The following SLC25A21 variants were observed in gnomAD, a reference collection of about 807,000 sequenced individuals.
The protein encoded by SLC25A21 is solute carrier family 25 member 21.
Under a neutral mutation model 43.8 loss-of-function variants are expected in SLC25A21, and 47 were observed. The observed-to-expected ratio is 1.07, with a 90% CI of 0.85 to 1.37. The LOEUF is 1.37. Among genes scored for constraint, SLC25A21 ranks in the 40% most tolerant of loss-of-function variants. The pLI is 0.00. For synonymous variants in SLC25A21, 131 were observed against 121.3 expected (o/e 1.08, Z -0.52); for missense variants, 352 against 350.2 (o/e 1.00, Z -0.04).
At chr14:36,855,815 C>T (rs530913029) in intron 2 of SLC25A21, among the ~76,000 whole-genome samples, 2 of 152,298 alleles carry the variant, frequency 1.3e-5, no homozygotes, top group Admixed American at 1.3e-4. Flanking sequence ...CATATCAATA[C>T]GTATGCCTCG....
intron 3 of SLC25A21, among the ~76,000 whole-genome samples, chr14:36,760,502 T>C (rs1180303182): frequency 1.3e-5 from 2 of 152,058 alleles, no homozygotes; most frequent in Non-Finnish European, 2.9e-5. Flanking sequence ...CCTCTCAAAT[T>C]GAGTGGGAGA....
intron 1 of SLC25A21, among the ~76,000 whole-genome samples, chr14:36,924,395 A>G (rs1215258075): frequency 1.3e-5 from 2 of 152,166 alleles, no homozygotes; most frequent in Non-Finnish European, 2.9e-5. Context: ...ATGAAGCTGG[A>G]AACCATCATT....
chr14:37,065,587 A>C (rs1390962499), intron 1 of SLC25A21, among the ~76,000 whole-genome samples: 1 of 152,182 alleles, frequency 6.6e-6, no homozygotes, highest in Non-Finnish European at 1.5e-5. Flanking sequence ...GTCCTACTCC[A>C]TTCCATTCCC....
At chr14:37,039,631 T>A (rs1462343630) in intron 1 of SLC25A21, among the ~76,000 whole-genome samples, 1 of 152,224 alleles carries the variant, frequency 6.6e-6, no homozygotes, top group Admixed American at 6.5e-5. Context: ...ATTGTATGGA[T>A]GTGTCTATCA....
chr14:36,691,155 G>C (rs1245818674), intron 7 of SLC25A21, among the ~76,000 whole-genome samples: 2 of 152,204 alleles, frequency 1.3e-5, no homozygotes, highest in Non-Finnish European at 2.9e-5. Context: ...AGAAGCCAAA[G>C]TATCGGTGAC....
chr14:37,128,206 A>G (rs1963329755), intron 1 of SLC25A21, among the ~76,000 whole-genome samples: 1 of 152,162 alleles, frequency 6.6e-6, no homozygotes, highest in Admixed American at 6.6e-5. Context: ...AGGGATGCCT[A>G]ATATTTCTGG....
At chr14:37,062,481 C>T (rs1348267650) in intron 1 of SLC25A21, among the ~76,000 whole-genome samples, 1 of 152,038 alleles carries the variant, frequency 6.6e-6, no homozygotes, top group African/African-American at 2.4e-5. Context: ...AAAAAGAACT[C>T]TCTATTTAAT....
At chr14:37,007,060 G>T (rs1201734761) in intron 1 of SLC25A21, among the ~76,000 whole-genome samples, 1 of 152,148 alleles carries the variant, frequency 6.6e-6, no homozygotes, top group African/African-American at 2.4e-5. Context: ...ACACCATAGG[G>T]TGATTAAGAT....
At chr14:36,885,873 G>C (rs1247641980) in intron 1 of SLC25A21, among the ~76,000 whole-genome samples, 3 of 152,100 alleles carry the variant, frequency 2.0e-5, no homozygotes, top group Non-Finnish European at 1.5e-5. Flanking sequence ...CCAAATCTTT[G>C]CATTGTACTA....
At chr14:36,771,605 C>T (rs978916483) in intron 3 of SLC25A21, among the ~76,000 whole-genome samples, 3 of 152,158 alleles carry the variant, frequency 2.0e-5, no homozygotes, top group African/African-American at 7.2e-5. Context: ...CAAACTTGAA[C>T]TCTCTAGAGA....
intron 1 of SLC25A21, among the ~76,000 whole-genome samples, chr14:36,914,190 TC>T (rs1422300971): frequency 3.9e-5 from 6 of 152,208 alleles, no homozygotes; most frequent in Non-Finnish European, 7.3e-5. Flanking sequence ...TTAATTTACT[TC>T]CAGATTCCCT....
chr14:37,127,493 T>G (rs1963317528), intron 1 of SLC25A21, among the ~76,000 whole-genome samples: 1 of 152,260 alleles, frequency 6.6e-6, no homozygotes, highest in African/African-American at 2.4e-5. Context: ...TATAGTTAGA[T>G]CCTTATCTTT....
intron 1 of SLC25A21, among the ~76,000 whole-genome samples, chr14:37,006,095 G>A (rs1168786032): frequency 6.6e-6 from 1 of 151,998 alleles, no homozygotes; most frequent in African/African-American, 2.4e-5. Flanking sequence ...TGTATACAAG[G>A]TATAAAAATA....
intron 1 of SLC25A21, among the ~76,000 whole-genome samples, chr14:37,168,530 C>T (rs958470595): frequency 6.6e-6 from 1 of 152,022 alleles, no homozygotes; most frequent in Non-Finnish European, 1.5e-5. Context: ...TGAGGTTCCC[C>T]ACCTCACCCG....
intron 3 of SLC25A21, among the ~76,000 whole-genome samples, chr14:36,757,606 A>G (rs145240914): frequency 1.3e-3 from 194 of 152,294 alleles, no homozygotes; most frequent in African/African-American, 4.5e-3. Context: ...GATCTATCTC[A>G]TTCCTTTTCA....
At chr14:37,172,131 G>A in intron 1 of SLC25A21, 150 bp downstream of exon 1, 1 of 789,170 alleles carries the variant, frequency 1.3e-6, no homozygotes, top group Non-Finnish European at 2.0e-6. Context: ...CTGCTCTCGC[G>A]CCTCTAGGGG....
At chr14:36,707,568 TA>T (rs1184684527) in intron 7 of SLC25A21, among the ~76,000 whole-genome samples, 1 of 152,170 alleles carries the variant, frequency 6.6e-6, no homozygotes, top group Non-Finnish European at 1.5e-5. Flanking sequence ...ATCTAGTATA[TA>T]TTTACTAGTA....
At chr14:36,751,103 G>C (rs1252394500) in intron 3 of SLC25A21, among the ~76,000 whole-genome samples, 2 of 152,162 alleles carry the variant, frequency 1.3e-5, no homozygotes, top group Non-Finnish European at 2.9e-5. Flanking sequence ...GCCAAAACCA[G>C]ATTATTGTCT....
At chr14:36,763,670 A>T (rs370568802) in intron 3 of SLC25A21, among the ~76,000 whole-genome samples, 35 of 152,124 alleles carry the variant, frequency 2.3e-4, no homozygotes, top group Middle Eastern at 3.4e-3. Context: ...TCATGTAGGA[A>T]TCAGACACAG....
Sources: gnomAD v4.1 joint callset for allele counts (sites outside exome capture counted in the v4.1 genomes callset) on GRCh38, gnomAD v4.1.1 for gene constraint, MANE v1.5 for transcripts, NCBI Gene and HGNC (gene_info 2026-07-23, HGNC 2026-07-21) for gene names.